The following AKT1 variants were observed in gnomAD, a reference collection of about 807,000 sequenced individuals.
AKT1 encodes the protein AKT serine/threonine kinase 1, also known as RAC-alpha serine/threonine-protein kinase.
In AKT1, 21 loss-of-function variants were observed where a neutral mutation model predicts 63.1. That is an observed-to-expected ratio of 0.33 (90% CI 0.24 to 0.48). The LOEUF (loss-of-function observed/expected upper bound fraction) is 0.48, where lower values mean the gene tolerates loss of function less well. Ranked by LOEUF, AKT1 falls within the 20% of genes least tolerant of loss-of-function variation. The pLI, the probability that AKT1 is intolerant of heterozygous loss-of-function variation, is 0.99. For missense variants in AKT1, 382 were observed against 666.0 expected (o/e 0.57, Z 4.69); for synonymous variants, 257 against 253.1 (o/e 1.02, Z -0.15).
At chr14:104,772,576 C>T (rs972669867) in intron 12 of AKT1, 124 bp from the exon 13 acceptor site, 3 of 972,050 alleles carry the variant, frequency 3.1e-6, no homozygotes, top group Admixed American at 2.1e-5. Flanking sequence ...GGAGGGGAGC[C>T]GGTGGTGCAG....
rs150186799 is a variant in AKT1, at chr14:104,788,418, G to A, written c.46+4180C>T. On this transcript the variant is annotated intron_variant, in intron 3 of 14. Transcript: ENST00000649815. ...AACAATTAGCCCTGCGGGGCCCTCC[G>A]CAGCAGCTGCTCTCTGGAGTGGGCT... 9.3e-4 allele frequency among the ~76,000 whole-genome samples: 141 copies of A among 152,288 alleles called. 1 individual carries two copies. The highest frequency in any genetic ancestry group is 3.1e-3 in the African/African-American group (129 of 41,550).
chr14:104,779,335 T>C (rs1243207461), intron 4 of AKT1, among the ~76,000 whole-genome samples: 1 of 152,142 alleles, frequency 6.6e-6, no homozygotes, highest in African/African-American at 2.4e-5. Context: ...GGCTCTGCCA[T>C]GGGGTCTGGA....
intron 4 of AKT1, 125 bp downstream of exon 4, chr14:104,779,959 CCAGT>C: frequency 1.5e-6 from 2 of 1,354,660 alleles, no homozygotes; most frequent in Non-Finnish European, 2.0e-6. Context: ...CCCCACCCAG[CCAGT>C]GCTTGTTGCT....
chr14:104,776,880 C>A, intron 4 of AKT1, 110 bp from the exon 5 acceptor site: 1 of 831,958 alleles, frequency 1.2e-6, no homozygotes, highest in South Asian at 1.6e-5. Context: ...CCCACCAGGT[C>A]CTGGGAAGCC....
At position 104,780,190 on chromosome 14, in the gene AKT1, G is replaced by A. The variant is rs397514644; in HGVS notation, c.73C>T (p.Arg25Cys). 3 of 1,613,342 alleles carry A rather than the reference G, an allele frequency of 1.9e-6. No individual in the cohort carries two copies. The highest frequency in any genetic ancestry group is 1.7e-5 in the Admixed American group (1 of 59,996). ...RGEYIKTWRPRYFLLKNDGTF... is the reference protein window; with the variant it reads ...RGEYIKTWRPCYFLLKNDGTF... ...CCATCATTCTTGAGGAGGAAGTAGC[G>A]TGGCCGCCAGGTCTTGATGTACTCC... Residue 25 changes from arginine (R) to cysteine (C), a missense_variant, in exon 4 of 15, where the codon CGC (arginine) becomes TGC (cysteine). Around this residue, in one of 3 missense-constraint regions of AKT1, gnomAD observed 226 missense variants for 366.4 expected, o/e 0.62. Transcript: ENST00000649815.
At chr14:104,783,412 G>A (rs1258272564) in intron 3 of AKT1, among the ~76,000 whole-genome samples, 1 of 152,016 alleles carries the variant, frequency 6.6e-6, no homozygotes, top group Non-Finnish European at 1.5e-5. Flanking sequence ...AGGCAGTAGG[G>A]ACCTCGTCCT....
chr14:104,784,778 G>C (rs1055991315), intron 3 of AKT1, among the ~76,000 whole-genome samples: 11 of 152,134 alleles, frequency 7.2e-5, no homozygotes, highest in Non-Finnish European at 1.0e-4. Flanking sequence ...CACCCACTTA[G>C]ACATGGGGGC....
intron 3 of AKT1, among the ~76,000 whole-genome samples, chr14:104,780,713 G>GCCCC (rs35707077): frequency 4.0e-5 from 6 of 150,804 alleles, no homozygotes; most frequent in South Asian, 2.1e-4. Context: ...CAGCATGGCC[G>GCCCC]CCCCCCCCGC....
At chr14:104,792,245 G>A (rs534254089) in intron 3 of AKT1, among the ~76,000 whole-genome samples, 46 of 152,300 alleles carry the variant, frequency 3.0e-4, no homozygotes, top group South Asian at 1.2e-3. Context: ...AGGAGCCCTT[G>A]GGCAGTGCCC....
In AKT1 at chr14:104,775,235, C is replaced by T. The variant is rs748902948; in HGVS notation, c.436-28G>A. 24 of 1,611,842 alleles carry T rather than the reference C, an allele frequency of 1.5e-5. 1 individual carries two copies. In the South Asian group the frequency reaches 1.9e-4, roughly 13 times the overall value. On this transcript the variant is annotated intron_variant, in intron 6 of 14. Transcript: ENST00000649815. ...ATGGGCAGGCACCAGGGTCAGCAAG[C>T]GGCGCTGCCAACAGTGCCCAGCTGG...
intron 3 of AKT1, among the ~76,000 whole-genome samples, chr14:104,781,193 A>G (rs1893019547): frequency 6.6e-6 from 1 of 152,182 alleles, no homozygotes; most frequent in South Asian, 2.1e-4. Flanking sequence ...AACAACAGGG[A>G]ACTTACTAAT....
At chr14:104,777,591 G>A in intron 4 of AKT1, 11 of 1,004,848 alleles carry the variant, frequency 1.1e-5, no homozygotes, top group Non-Finnish European at 1.3e-5. Flanking sequence ...CACACCTACA[G>A]CACGTACACC....
At chr14:104,772,534 A>G in intron 12 of AKT1, 82 bp from the exon 13 acceptor site, 1 of 1,387,920 alleles carries the variant, frequency 7.2e-7, no homozygotes. Context: ...CCTGTGATGT[A>G]GGGCCCGCCA....
At chr14:104,777,515 C>T in intron 4 of AKT1, 1 of 1,010,570 alleles carries the variant, frequency 9.9e-7, no homozygotes, top group Non-Finnish European at 1.2e-6. Flanking sequence ...GGGGCACACG[C>T]ACACCTGGGG....
rs1893841395 is a variant in AKT1, at chr14:104,795,408, A to ACCGGCCGCGAACAAAGCGGCCCGG, written c.-258+52_-258+75dup. ...GCGCCGCGGCTCGCGCCCCGGCCCG[A>ACCGGCCGCGAACAAAGCGGCCCGG]CCGGCCGCGAACAAAGCGGCCCGGC... On this transcript the variant is annotated intron_variant, in intron 1 of 14. Coordinates refer to ENST00000649815, the MANE Select transcript of AKT1 (RefSeq NM_001382430.1). This position sits in a 1 kb window ranked among gnomAD's most constrained non-coding sequence, Gnocchi z 5.1. 6.9e-6 allele frequency: 1 copy of ACCGGCCGCGAACAAAGCGGCCCGG among 145,930 alleles called. No homozygotes were observed. The allele number at this position is 145,930 out of a possible 1,614,324, so 9.0% of individuals were successfully genotyped here.
chr14:104,774,128 T>C (rs900888252), intron 8 of AKT1, 148 bp from the exon 9 acceptor site: 5 of 700,962 alleles, frequency 7.1e-6, no homozygotes, highest in Non-Finnish European at 1.2e-5. Context: ...CCACGCTGCC[T>C]GATACCACAC....
chr14:104,777,416 A>T, intron 4 of AKT1: 1 of 504,974 alleles, frequency 2.0e-6, no homozygotes, highest in Non-Finnish European at 2.6e-6. Flanking sequence ...CCTGGGGCAC[A>T]CGCACACCTG....
intron 8 of AKT1, 163 bp from the exon 9 acceptor site, chr14:104,774,143 C>T (rs1468824137): frequency 9.2e-6 from 6 of 653,526 alleles, no homozygotes; most frequent in Admixed American, 6.4e-5. Flanking sequence ...CCACACCGCC[C>T]GATACCACAC....
intron 4 of AKT1, chr14:104,778,435 C>CT (rs1228334731): frequency 6.6e-6 from 1 of 152,304 alleles, no homozygotes; most frequent in African/African-American, 2.4e-5. Context: ...GTGCCCTACT[C>CT]TATCAGGCTG....
Sources: allele counts gnomAD v4.1 joint callset (sites outside exome capture counted in the v4.1 genomes callset), GRCh38; gene constraint gnomAD v4.1.1; regional missense constraint gnomAD v4.1.1; non-coding constraint Gnocchi (gnomAD v3.1); transcripts MANE v1.5; gene names NCBI Gene and HGNC (gene_info 2026-07-23, HGNC 2026-07-21).